Variants in MPIG6B observed in about 807,000 individuals in gnomAD.
The protein encoded by MPIG6B is immunoglobulin receptor.
Under a neutral mutation model 24.2 loss-of-function variants are expected in MPIG6B, and 22 were observed. The observed-to-expected ratio is 0.91, with a 90% CI of 0.65 to 1.30. The LOEUF (loss-of-function observed/expected upper bound fraction) is 1.30. Among genes scored for constraint, MPIG6B ranks in the 50% most tolerant of loss-of-function variants. MPIG6B has a pLI of 0.00. For synonymous variants in MPIG6B, 136 were observed against 142.0 expected (o/e 0.96, Z 0.30); for missense variants, 301 against 318.5 (o/e 0.94, Z 0.42).
upstream of MPIG6B, chr6:31,722,948 C>T (rs577396023): frequency 5.5e-4 from 132 of 240,468 alleles, 1 homozygote; most frequent in Non-Finnish European, 9.0e-4. Flanking sequence ...TACTTTATTT[C>T]GTTATCACAA....
In MPIG6B at chr6:31,723,477, C is replaced by T; in HGVS notation, c.61+33C>T. ...ATCCCTGGGAGAGTTGTGATAGACG[C>T]AGAGGGGCTGAAGCAAGATAAGGGC... On this transcript the variant is annotated intron_variant, in intron 1 of 5. Coordinates refer to ENST00000649779, the MANE Select transcript of MPIG6B (RefSeq NM_138272.3). The surrounding 1 kb of genome is among the most constrained non-coding windows in gnomAD (Gnocchi z 4.3). 1.3e-6 allele frequency: 2 copies of T among 1,596,700 alleles called. No homozygotes were observed. Among genetic ancestry groups the T allele is most frequent in the Non-Finnish European group, 1.7e-6 (2 of 1,165,224 alleles).
At chr6:31,724,368 G>T in intron 3 of MPIG6B, 136 bp downstream of exon 3, 1 of 833,304 alleles carries the variant, frequency 1.2e-6, no homozygotes, top group East Asian at 2.7e-5. Flanking sequence ...GAGGTCAAAG[G>T]TGGGAGCGAG....
chr6:31,724,243 G>A lies in MPIG6B; in HGVS notation c.500+11G>A, dbSNP rs766058752. 3.1e-6 allele frequency: 5 copies of A among 1,608,450 alleles called. No individual in the cohort carries two copies. The highest frequency in any genetic ancestry group is 1.7e-5 in the Admixed American group (1 of 59,662). On this transcript the variant is annotated intron_variant, in intron 3 of 5. Transcript: ENST00000649779. ...CTGGTGGCTGCACAGGTGAGCAGGA[G>A]GGACCCGGCCTCGTTAAATGGGGAG...
chr6:31,721,691 T>C, upstream of MPIG6B: 1 of 1,613,916 alleles, frequency 6.2e-7, no homozygotes, highest in Non-Finnish European at 8.5e-7. Flanking sequence ...GCGAGGGTCC[T>C]GAGAATGGTG....
chr6:31,724,437 T>C (rs1174433219), intron 3 of MPIG6B, 150 bp from the exon 4 acceptor site: 2 of 803,062 alleles, frequency 2.5e-6, no homozygotes, highest in Non-Finnish European at 4.3e-6. Context: ...GCAGCAGAGT[T>C]AGAGCCTGGG....
upstream of MPIG6B, among the ~76,000 whole-genome samples, chr6:31,722,551 G>T (rs1179410804): frequency 1.3e-5 from 2 of 152,154 alleles, no homozygotes; most frequent in Non-Finnish European, 2.9e-5. Flanking sequence ...TGAGGTAGAA[G>T]CTAAAATAAG....
chr6:31,724,972 C>G lies in MPIG6B; in HGVS notation c.624C>G (p.Ser208Arg). The G allele has an allele frequency of 2.5e-6, 4 of 1,613,890 alleles. No homozygotes were observed. Among genetic ancestry groups the G allele is most frequent in the Non-Finnish European group, 3.4e-6 (4 of 1,179,834 alleles). ...TCTTCCTCCCCTTCCTCCTCCAGAG[C>G]CTGCTCTATGCGGATCTGGACCATC... ...KIPGDLDQEP[S>R]LLYADLDHLA... is the part of the protein sequence containing the mutation. The change falls in exon 6 of 6, where the codon AGC becomes AGG. Residue 208 changes from serine (S) to arginine (R), a missense_variant and splice_region_variant. Transcript: ENST00000649779.
At chr6:31,722,977 T>G, upstream of MPIG6B, 2 of 277,400 alleles carry the variant, frequency 7.2e-6, no homozygotes, top group African/African-American at 2.3e-5. Flanking sequence ...AAAACAGGAG[T>G]TTTTTTTGTT....
upstream of MPIG6B, chr6:31,723,305 C>A: frequency 8.2e-7 from 1 of 1,224,948 alleles, no homozygotes; most frequent in South Asian, 1.3e-5. This position sits in a 1 kb window ranked among gnomAD's most constrained non-coding sequence, Gnocchi z 4.3. Flanking sequence ...TCTCCCCACG[C>A]CTAACTTCCC....
Position 31,724,147 on chromosome 6 carries a change from G to C in MPIG6B, c.415G>C (p.Val139Leu). ...CKAPGPTHGSVYPQLLIPLLG... is the reference protein window; with the variant it reads ...CKAPGPTHGSLYPQLLIPLLG... ...CCGCCACGCCTTTCCCCCAGGGTCC[G>C]TGTATCCCCAGCTCCTGATCCCGCT... The change falls in exon 3 of 6, where the codon GTG (valine) becomes CTG (leucine). Residue 139 changes from valine (V) to leucine (L), a missense_variant. Transcript: ENST00000649779. 6.2e-7 allele frequency: 1 copy of C among 1,612,628 alleles called. No homozygotes were observed. Among genetic ancestry groups the C allele is most frequent in the Non-Finnish European group, 8.5e-7 (1 of 1,179,612 alleles).
upstream of MPIG6B, chr6:31,723,353 G>A (rs369640981): frequency 6.2e-7 from 1 of 1,604,696 alleles, no homozygotes; most frequent in Non-Finnish European, 8.5e-7. This position sits in a 1 kb window ranked among gnomAD's most constrained non-coding sequence, Gnocchi z 4.3. Context: ...CCGCTGATTC[G>A]CTCGCAGCTT....
At position 31,723,440 on chromosome 6, in the gene MPIG6B, T is replaced by TGG; in HGVS notation, c.61_61+1dup. 1.2e-6 allele frequency: 2 copies of TGG among 1,612,582 alleles called. No homozygotes were observed. Among genetic ancestry groups the TGG allele is most frequent in the Middle Eastern group, 1.6e-4 (1 of 6,062 alleles). On this transcript the variant is annotated frameshift_variant, in exon 1 of 6. Coordinates refer to ENST00000649779, the MANE Select transcript of MPIG6B (RefSeq NM_138272.3). LOFTEE classifies it high-confidence loss of function. The surrounding 1 kb of genome is among the most constrained non-coding windows in gnomAD (Gnocchi z 4.3). ...TGCTCTCGAGGGCCCAAGGGAACCC[T>TGG]GGGGGTAAGCGATCCCTGGGAGAGT...
chr6:31,720,306 A>G (rs1040269115), upstream of MPIG6B: 5 of 752,614 alleles, frequency 6.6e-6, no homozygotes, highest in African/African-American at 5.2e-5. This position sits in a 1 kb window ranked among gnomAD's most constrained non-coding sequence, Gnocchi z 4.9. Context: ...CCCATCCCGT[A>G]GGTGCTCCAA....
Position 31,724,596 on chromosome 6 carries a change from C to T in MPIG6B, c.510C>T (p.Pro170=). ...CATATGTCCCTTACAGGCGCCTGCC[C>T]CCGCAACCGATTCGACCACTCCCTA... ...GLVWWLHRRL[P]PQPIRPLPRF... The change falls in exon 4 of 6, where the codon CCC becomes CCT. Residue 170 remains proline (P), a synonymous_variant. Coordinates refer to ENST00000649779, the MANE Select transcript of MPIG6B (RefSeq NM_138272.3). 2 of 1,613,868 alleles carry T rather than the reference C, an allele frequency of 1.2e-6. No individual in the cohort carries two copies. Among genetic ancestry groups the T allele is most frequent in the Non-Finnish European group, 1.7e-6 (2 of 1,179,732 alleles).
chr6:31,723,976 G>T lies in MPIG6B; in HGVS notation c.399G>T (p.Gly133=), dbSNP rs373460308. The T allele has an allele frequency of 2.3e-4, 351 of 1,552,300 alleles. 4 individuals are homozygous for T. The South Asian group carries it at 3.9e-3, about 17-fold the overall frequency. Reference sequence around the variant, plus strand: ...ACAGGACCTATTGCAAGGCCCCCGGGCCTACCCATGGTAGGTGCAGGCCTG... The same window carrying T: ...ACAGGACCTATTGCAAGGCCCCCGGTCCTACCCATGGTAGGTGCAGGCCTG... The part of the protein sequence containing the change: ...LGDRTYCKAP[G]PTHGSVYPQL... The change falls in exon 2 of 6, where the codon GGG becomes GGT. Residue 133 remains glycine, a synonymous_variant. Coordinates refer to ENST00000649779, the MANE Select transcript of MPIG6B (RefSeq NM_138272.3). This position sits in a 1 kb window ranked among gnomAD's most constrained non-coding sequence, Gnocchi z 4.3.
upstream of MPIG6B, chr6:31,721,063 T>A (rs1806748368): frequency 6.6e-6 from 1 of 152,636 alleles, no homozygotes; most frequent in African/African-American, 2.4e-5. Flanking sequence ...ACTGCAACCA[T>A]CTAGAAAGTT....
rs767186994 is a variant in MPIG6B at position 31,724,124 on chromosome 6, G to A, written c.410-18G>A. On this transcript the variant is annotated intron_variant, in intron 2 of 5. Coordinates refer to ENST00000649779, the MANE Select transcript of MPIG6B (RefSeq NM_138272.3). ...ACCCCTGACCTCAGCATCCCTCCCCGCCACGCCTTTCCCCCAGGGTCCGTG... is the reference window on the plus strand; with the variant it reads ...ACCCCTGACCTCAGCATCCCTCCCCACCACGCCTTTCCCCCAGGGTCCGTG... 1.7e-5 allele frequency: 27 copies of A among 1,607,802 alleles called. No individual in the cohort carries two copies. Among genetic ancestry groups the A allele is most frequent in the Non-Finnish European group, 2.1e-5 (25 of 1,176,374 alleles).
At position 31,725,065 on chromosome 6, in the gene MPIG6B, T is replaced by C; in HGVS notation, c.717T>C (p.Val239=). Residue 239 remains valine (V), a synonymous_variant, in exon 6 of 6, where the codon GTT becomes GTC. Transcript: ENST00000649779. The surrounding 1 kb of genome is among the most constrained non-coding windows in gnomAD (Gnocchi z 5.2). ...DPADASTIYA[V]VV is the part of the protein sequence containing the mutation. ...CTGATGCCTCCACCATCTATGCAGT[T>C]GTAGTTTGAAGGGAAGCCCTTACTC... 2 of 1,612,640 alleles carry C rather than the reference T, an allele frequency of 1.2e-6. No homozygotes were observed. Among genetic ancestry groups the C allele is most frequent in the South Asian group, 1.1e-5 (1 of 91,062 alleles).
Position 31,724,959 on chromosome 6 carries a change from T to C in MPIG6B, c.622-11T>C. 6.2e-7 allele frequency: 1 copy of C among 1,612,540 alleles called. No individual in the cohort carries two copies. Among genetic ancestry groups the C allele is most frequent in the Non-Finnish European group, 8.5e-7 (1 of 1,179,424 alleles). ...GGAGACCATCTTGTCTTCCTCCCCT[T>C]CCTCCTCCAGAGCCTGCTCTATGCG... On this transcript the variant is annotated splice_polypyrimidine_tract_variant and intron_variant, in intron 5 of 5. Coordinates refer to ENST00000649779, the MANE Select transcript of MPIG6B (RefSeq NM_138272.3).
Sources: gnomAD v4.1 joint callset for allele counts (sites outside exome capture counted in the v4.1 genomes callset) on GRCh38, gnomAD v4.1.1 for gene constraint, Gnocchi (gnomAD v3.1) non-coding constraint, MANE v1.5 for transcripts, NCBI Gene and HGNC (gene_info 2026-07-23, HGNC 2026-07-21) for gene names.